The following DISC1 variants were observed in gnomAD, a reference collection of about 807,000 sequenced individuals.
The protein encoded by DISC1 is DISC1 scaffold protein.
In DISC1, 57 loss-of-function variants were observed where a neutral mutation model predicts 84.5. That is an observed-to-expected ratio of 0.67 (90% confidence interval 0.55 to 0.84). DISC1 has a LOEUF of 0.84. Among genes scored for constraint, DISC1 ranks in the 40% least tolerant of loss-of-function variants. The pLI, the probability that DISC1 is intolerant of heterozygous loss-of-function variation, is 0.00. For synonymous variants in DISC1, 411 were observed against 415.2 expected, an observed-to-expected ratio of 0.99 and a Z score of 0.12; for missense variants, 1,000 against 1,057.8, an observed-to-expected ratio of 0.95 and a Z score of 0.76.
At chr1:231,845,953 G>A (rs577191047) in intron 9 of DISC1, among the ~76,000 whole-genome samples, 11 of 152,234 alleles carry the variant, frequency 7.2e-5, no homozygotes, top group African/African-American at 2.2e-4. Context: ...GGCAGGGCTC[G>A]GGGTGGGGAG....
intron 9 of DISC1, chr1:231,866,405 C>A: frequency 3.0e-6 from 2 of 665,990 alleles, no homozygotes; most frequent in African/African-American, 1.8e-5. Flanking sequence ...AGAAATGTAA[C>A]AATTCTTTGA....
chr1:231,882,514 A>G (rs2086362442), intron 9 of DISC1, among the ~76,000 whole-genome samples: 1 of 152,142 alleles, frequency 6.6e-6, no homozygotes, highest in African/African-American at 2.4e-5. Context: ...TCTTTGTCTC[A>G]CTTCTCCTTA....
chr1:231,690,546 T>C (rs897128149), intron 1 of DISC1, among the ~76,000 whole-genome samples: 1 of 152,224 alleles, frequency 6.6e-6, no homozygotes, highest in Non-Finnish European at 1.5e-5. Flanking sequence ...GGAGTATTTG[T>C]CTTCAAGGTC....
chr1:231,896,146 A>C (rs1054575296), intron 9 of DISC1, among the ~76,000 whole-genome samples: 1 of 152,128 alleles, frequency 6.6e-6, no homozygotes, highest in African/African-American at 2.4e-5. Context: ...AGCCGACTGC[A>C]TCATTTTCCA....
At position 231,959,230 on chromosome 1, in the gene DISC1, T is replaced by C. The variant is rs1660051667; in HGVS notation, c.2042+342T>C. 4 of 1,010,130 alleles carry C rather than the reference T, an allele frequency of 4.0e-6. No homozygotes were observed. In the South Asian group the frequency reaches 1.8e-4, roughly 45 times the overall value. The allele number at this position is 1,010,130 out of a possible 1,614,324, so 62.6% of individuals were successfully genotyped here. A position where few individuals can be genotyped will look rare whatever the true frequency, so the allele number is the denominator to read the frequency against. On this transcript the variant is annotated intron_variant, in intron 10 of 12. Coordinates refer to ENST00000439617, the MANE Select transcript of DISC1 (RefSeq NM_018662.3). ...TTTAAACTTTAGTGTTTGAGGGGGG[T>C]CTTAAGGATTTTAAGGCGGTTTATA... is the stretch of plus-strand genomic sequence containing the variant.
At chr1:232,012,633 G>A (rs1273356966) in intron 11 of DISC1, among the ~76,000 whole-genome samples, 1 of 152,196 alleles carries the variant, frequency 6.6e-6, no homozygotes, top group African/African-American at 2.4e-5. Context: ...AATCTTCCAT[G>A]AAAAATTACT....
intron 9 of DISC1, among the ~76,000 whole-genome samples, chr1:231,934,950 T>C (rs545706441): frequency 6.6e-6 from 1 of 152,338 alleles, no homozygotes; most frequent in South Asian, 2.1e-4. Context: ...CCTGCTCTTG[T>C]TTGAACACGC....
At chr1:231,733,367 G>A (rs201456522) in intron 3 of DISC1, among the ~76,000 whole-genome samples, 1 of 124,954 alleles carries the variant, frequency 8.0e-6, no homozygotes, top group Non-Finnish European at 1.6e-5. Context: ...TGGTGGTAGT[G>A]GTAGTGAGTG....
chr1:232,004,969 TTCCC>T, intron 10 of DISC1, among the ~76,000 whole-genome samples: 2 of 102,406 alleles, frequency 2.0e-5, no homozygotes, highest in Admixed American at 8.8e-5. Context: ...TCCTTCCTTC[TTCCC>T]TTCCTTCCAT....
intron 10 of DISC1, among the ~76,000 whole-genome samples, chr1:231,975,033 A>G (rs985810669): frequency 1.4e-4 from 21 of 152,138 alleles, no homozygotes; most frequent in African/African-American, 5.1e-4. Flanking sequence ...CTGGGAGGCA[A>G]GGTTGCAGTG....
At chr1:231,759,059 G>A (rs1266646214) in intron 4 of DISC1, among the ~76,000 whole-genome samples, 1 of 152,176 alleles carries the variant, frequency 6.6e-6, no homozygotes, top group Non-Finnish European at 1.5e-5. Flanking sequence ...TCAAGGCAGA[G>A]CCCCAGTTTG....
At chr1:231,763,422 C>T (rs1423734948) in intron 4 of DISC1, among the ~76,000 whole-genome samples, 2 of 152,030 alleles carry the variant, frequency 1.3e-5, no homozygotes, top group South Asian at 2.1e-4. Flanking sequence ...CTGCTATTTG[C>T]CTTTAAGCAT....
chr1:231,833,772 A>G (rs528498103), intron 9 of DISC1, among the ~76,000 whole-genome samples: 1 of 152,294 alleles, frequency 6.6e-6, no homozygotes, highest in South Asian at 2.1e-4. Flanking sequence ...GGTTTGTCTC[A>G]CAGTGGAGGC....
chr1:231,856,360 C>T (rs934064105), intron 9 of DISC1, among the ~76,000 whole-genome samples: 9 of 151,986 alleles, frequency 5.9e-5, no homozygotes, highest in East Asian at 1.9e-4. Flanking sequence ...CCTCTGTTCT[C>T]GGGGTGCCCA....
chr1:231,917,410 C>T (rs1173196943), intron 9 of DISC1, among the ~76,000 whole-genome samples: 7 of 152,296 alleles, frequency 4.6e-5, no homozygotes, highest in South Asian at 4.1e-4. Context: ...TAATATGAAG[C>T]GAAGCGATCA....
At chr1:231,965,616 C>A (rs1660994140) in intron 10 of DISC1, among the ~76,000 whole-genome samples, 1 of 152,228 alleles carries the variant, frequency 6.6e-6, no homozygotes, top group Admixed American at 6.5e-5. Context: ...TTGTTATGTC[C>A]TCCTCCTCTC....
chr1:231,905,874 G>C (rs1320507019), intron 9 of DISC1, among the ~76,000 whole-genome samples: 1 of 152,000 alleles, frequency 6.6e-6, no homozygotes, highest in Non-Finnish European at 1.5e-5. Context: ...TCGTTTTTAG[G>C]AAATATCCAC....
intron 9 of DISC1, among the ~76,000 whole-genome samples, chr1:231,900,906 C>T (rs1001847562): frequency 6.6e-6 from 1 of 152,190 alleles, no homozygotes; most frequent in Non-Finnish European, 1.5e-5. Context: ...ACAAAATCTA[C>T]TCTAGCTGCT....
intron 3 of DISC1, among the ~76,000 whole-genome samples, chr1:231,729,216 C>T (rs2071184319): frequency 6.6e-6 from 1 of 152,186 alleles, no homozygotes; most frequent in Non-Finnish European, 1.5e-5. Context: ...GTATATGTGC[C>T]TCATTTTCTT....
Sources: gnomAD v4.1 joint callset for allele counts (sites outside exome capture counted in the v4.1 genomes callset) on GRCh38, gnomAD v4.1.1 for gene constraint, MANE v1.5 for transcripts, NCBI Gene and HGNC (gene_info 2026-07-23, HGNC 2026-07-21) for gene names.